IL6ST: variants seen among roughly 807,000 people sequenced by gnomAD.
IL6ST encodes the protein interleukin 6 cytokine family signal transducer.
A neutral mutation model predicts 91.3 loss-of-function variants in IL6ST; 24 were observed. That is an observed-to-expected ratio of 0.26 (90% CI 0.19 to 0.37). IL6ST has a LOEUF of 0.37. Ranked by LOEUF, IL6ST falls within the 10% of genes least tolerant of loss-of-function variation. The pLI, the probability that IL6ST is intolerant of heterozygous loss-of-function variation, is 1.00. For synonymous variants in IL6ST, 351 were observed against 373.6 expected (o/e 0.94, Z 0.70); for missense variants, 914 against 1,078.5 (o/e 0.85, Z 2.14).
chr5:55,993,323 A>G (rs1754439380), intron 1 of IL6ST, among the ~76,000 whole-genome samples: 1 of 152,230 alleles, frequency 6.6e-6, no homozygotes, highest in African/African-American at 2.4e-5. Flanking sequence ...TCTAGTTTTC[A>G]GCGAGACTCC....
Position 55,951,510 on chromosome 5 carries a change from T to C in IL6ST, c.1794A>G (p.Glu598=). 6.2e-7 allele frequency: 1 copy of C among 1,613,098 alleles called. No individual in the cohort carries two copies. Among genetic ancestry groups the C allele is most frequent in the Non-Finnish European group, 8.5e-7 (1 of 1,179,122 alleles). Residue 598 remains glutamate (E), a synonymous_variant, in exon 14 of 17, where the codon GAA becomes GAG. Transcript: ENST00000381298. ...TGAATTCTGGACCATCCTTCCCACC[T>C]TCATCTGTGTATGCTGCCATTCGTA... ...YMVRMAAYTD[E]GGKDGPEFTF...
chr5:55,956,182 G>T lies in IL6ST; in HGVS notation c.1110C>A (p.Leu370=). The T allele has an allele frequency of 6.2e-7, 1 of 1,612,420 alleles. No homozygotes were observed. Among genetic ancestry groups the T allele is most frequent in the South Asian group, 1.1e-5 (1 of 91,024 alleles). Residue 370 remains leucine (L), a synonymous_variant, in exon 10 of 17, where the codon CTC becomes CTA. Transcript: ENST00000381298. ...NGKILDYEVT[L]TRWKSHLQNY... ...TTTGTAAATGTGATTTCCATCTTGT[G>T]AGAGTCACTTCATAATCCAAGATTT... is the stretch of plus-strand genomic sequence containing the variant.
rs58665588 is a variant in IL6ST at position 55,937,690 on chromosome 5, C to CAATATAATCT, written c.*3382_*3391dup. ...TTTTTAGAAAGTAATCTTATCAGCA[C>CAATATAATCT]AATATAATCTAACAATACCTGTAAT... On this transcript the variant is annotated 3_prime_UTR_variant, in exon 17 of 17. Transcript: ENST00000381298. 5,785 of 195,384 alleles carry CAATATAATCT rather than the reference C, an allele frequency of 0.03. 185 individuals carry two copies. Among genetic ancestry groups the CAATATAATCT allele is most frequent in the African/African-American group, 0.088 (3,821 of 43,324 alleles). The allele number at this position is 195,384 out of a possible 1,614,324, so 12.1% of individuals were successfully genotyped here. A position where few individuals can be genotyped will look rare whatever the true frequency, so the allele number is the denominator to read the frequency against.
rs1392962677 is a variant in IL6ST, at chr5:55,960,537, T to C, written c.838A>G (p.Thr280Ala). 1.2e-6 allele frequency: 2 copies of C among 1,613,570 alleles called. No individual in the cohort carries two copies. Among genetic ancestry groups the C allele is most frequent in the East Asian group, 2.2e-5 (1 of 44,870 alleles). ...TCTTGGACAGTGAATGAAGATCGGG[T>C]GGATGCTGTGTCTTCAGGAGGAATC... Reference protein sequence around the residue: ...SQIPPEDTASTRSSFTVQDLK... With the variant: ...SQIPPEDTASARSSFTVQDLK... Residue 280 changes from threonine (T) to alanine (A), a missense_variant, in exon 8 of 17, where the codon ACC becomes GCC. Coordinates refer to ENST00000381298, the MANE Select transcript of IL6ST (RefSeq NM_002184.4).
Position 55,940,173 on chromosome 5 carries a change from C to A in IL6ST, c.*909G>T. Reference sequence around the variant, plus strand: ...TATATACACACATTAGCAATTTAAGCCTTTTAACATGCCAATTTTTTAGAT... The same window carrying A: ...TATATACACACATTAGCAATTTAAGACTTTTAACATGCCAATTTTTTAGAT... On this transcript the variant is annotated 3_prime_UTR_variant, in exon 17 of 17. Transcript: ENST00000381298. 1 of 202,756 alleles carries A rather than the reference C, an allele frequency of 4.9e-6. No homozygotes were observed. Among genetic ancestry groups the A allele is most frequent in the Non-Finnish European group, 1.0e-5 (1 of 99,238 alleles). The allele number at this position is 202,756 out of a possible 1,614,324, so 12.6% of individuals were successfully genotyped here.
chr5:55,987,597 A>G (rs1307763275), intron 1 of IL6ST, among the ~76,000 whole-genome samples: 1 of 152,206 alleles, frequency 6.6e-6, no homozygotes, highest in Admixed American at 6.5e-5. Flanking sequence ...TTGTGTTCAA[A>G]TTTCAGTCCC....
At chr5:55,988,354 A>AATCACATG (rs1374276912) in intron 1 of IL6ST, among the ~76,000 whole-genome samples, 1 of 152,212 alleles carries the variant, frequency 6.6e-6, no homozygotes, top group Non-Finnish European at 1.5e-5. Flanking sequence ...AAAGAGTGAG[A>AATCACATG]ATCACATGAC....
intron 3 of IL6ST, 105 bp from the exon 4 acceptor site, chr5:55,969,960 A>G (rs1561187960): frequency 7.6e-6 from 5 of 657,150 alleles, no homozygotes. Flanking sequence ...CGTCACTAAA[A>G]TATCCCTAAA....
intron 1 of IL6ST, among the ~76,000 whole-genome samples, chr5:55,989,237 C>G (rs1453079190): frequency 6.7e-6 from 1 of 148,480 alleles, no homozygotes; most frequent in Non-Finnish European, 1.5e-5. Flanking sequence ...ATCAATGGTA[C>G]AAAACAAAAC....
chr5:55,987,105 C>CA (rs1484347891), intron 1 of IL6ST, among the ~76,000 whole-genome samples: 5 of 152,180 alleles, frequency 3.3e-5, no homozygotes, highest in African/African-American at 1.2e-4. Flanking sequence ...GTCGAGGCTG[C>CA]AGTGAGTTGT....
rs1750627684 is a variant in IL6ST at position 55,937,743 on chromosome 5, GAAC to G, written c.*3336_*3338del. 3 of 192,990 alleles carry G rather than the reference GAAC, an allele frequency of 1.6e-5. No homozygotes were observed. The highest frequency in any genetic ancestry group is 2.3e-5 in the African/African-American group (1 of 43,060). 12.0% of individuals were successfully genotyped at this position (192,990 alleles called of 1,614,324 possible). On this transcript the variant is annotated 3_prime_UTR_variant, in exon 17 of 17. Coordinates refer to ENST00000381298, the MANE Select transcript of IL6ST (RefSeq NM_002184.4). ...AAAGCTATCCCAGTAAATTTTTTTT[GAAC>G]AATTGAACTTTTGTCTTATGCAGCT...
intron 2 of IL6ST, 94 bp downstream of exon 2, chr5:55,982,630 A>G: frequency 2.5e-6 from 1 of 395,838 alleles, no homozygotes; most frequent in East Asian, 3.6e-5. Flanking sequence ...TAGTCTCCTA[A>G]TATCCTAAAG....
chr5:55,989,780 G>C (rs1381086692), intron 1 of IL6ST, among the ~76,000 whole-genome samples: 1 of 152,160 alleles, frequency 6.6e-6, no homozygotes, highest in Admixed American at 6.5e-5. Context: ...GGAGCGCCCA[G>C]TCTTAAAATA....
At chr5:55,960,318 C>A in intron 8 of IL6ST, 84 bp downstream of exon 8, 1 of 1,005,406 alleles carries the variant, frequency 9.9e-7, no homozygotes, top group Non-Finnish European at 1.5e-6. Context: ...AACTAAGAAG[C>A]AATGAGGCTA....
chr5:55,981,320 A>T (rs1753656278), intron 2 of IL6ST, among the ~76,000 whole-genome samples: 2 of 152,194 alleles, frequency 1.3e-5, no homozygotes. Context: ...TATGCAATAC[A>T]GTTAACTTCA....
At chr5:55,960,635 C>T in intron 7 of IL6ST, 74 bp from the exon 8 acceptor site, 4 of 1,330,676 alleles carry the variant, frequency 3.0e-6, no homozygotes, top group South Asian at 3.1e-5. Flanking sequence ...AATTCAGAAA[C>T]TTTTTTTTTT....
At chr5:55,955,989 C>T (rs753788912) in intron 10 of IL6ST, 36 bp downstream of exon 10, 5 of 1,456,766 alleles carry the variant, frequency 3.4e-6, no homozygotes, top group Non-Finnish European at 4.8e-6. Flanking sequence ...ACCATTTTTC[C>T]ACCCAAGAGT....
At chr5:55,964,980 T>C (rs900740432) in intron 5 of IL6ST, among the ~76,000 whole-genome samples, 69 of 152,196 alleles carry the variant, frequency 4.5e-4, no homozygotes, top group Admixed American at 2.6e-4. Flanking sequence ...GATTCAGGAA[T>C]AGAATATAGA....
In IL6ST at chr5:55,952,030, T is replaced by G; in HGVS notation, c.1598A>C (p.Asn533Thr). The change falls in exon 13 of 17, where the codon AAC becomes ACC. Residue 533 changes from asparagine to threonine, a missense_variant. Transcript: ENST00000381298. Reference sequence around the variant, plus strand: ...TTGGTCCCACTCTAAGACAGCTTCGTTTTTCCCTACTTTTTTTGTCCGAAC... The same window carrying G: ...TTGGTCCCACTCTAAGACAGCTTCGGTTTTCCCTACTTTTTTTGTCCGAAC... ...PTVRTKKVGK[N>T]EAVLEWDQLP... The G allele has an allele frequency of 6.2e-7, 1 of 1,613,362 alleles. No homozygotes were observed. Among genetic ancestry groups the G allele is most frequent in the Non-Finnish European group, 8.5e-7 (1 of 1,179,452 alleles).
Sources: allele counts gnomAD v4.1 joint callset (sites outside exome capture counted in the v4.1 genomes callset), GRCh38; gene constraint gnomAD v4.1.1; transcripts MANE v1.5; gene names NCBI Gene and HGNC (gene_info 2026-07-23, HGNC 2026-07-21).